The following CCDC13 variants were observed in gnomAD, a reference collection of about 807,000 sequenced individuals.
CCDC13 encodes coiled-coil domain-containing protein 13.
In CCDC13, 70 loss-of-function variants were observed where a neutral mutation model predicts 87.3. The ratio of observed to expected loss-of-function variants is 0.80; its 90% CI spans 0.66 to 0.98. CCDC13 has a LOEUF of 0.98. Ranked by LOEUF, CCDC13 falls within the 50% of genes least tolerant of loss-of-function variation. The pLI is 0.00. For missense variants in CCDC13, 842 were observed against 892.0 expected (o/e 0.94, Z 0.71); for synonymous variants, 317 against 360.3 (o/e 0.88, Z 1.36).
intron 13 of CCDC13, chr3:42,714,122 C>T (rs1698376948): frequency 6.6e-6 from 1 of 152,334 alleles, no homozygotes; most frequent in South Asian, 2.1e-4. Context: ...CACTTTGAAT[C>T]TCACTACCCT....
chr3:42,767,258 G>A (rs1699949975), intron 1 of CCDC13, among the ~76,000 whole-genome samples: 1 of 152,046 alleles, frequency 6.6e-6, no homozygotes. Context: ...GAAGTCAAAT[G>A]TTTTCCCACA....
chr3:42,772,519 T>G (rs1333500572), intron 1 of CCDC13, among the ~76,000 whole-genome samples: 1 of 152,136 alleles, frequency 6.6e-6, no homozygotes, highest in African/African-American at 2.4e-5. Context: ...TCTTCCCCTC[T>G]CCTTCTCTTT....
At chr3:42,725,807 C>T (rs1698672742) in intron 13 of CCDC13, among the ~76,000 whole-genome samples, 1 of 152,020 alleles carries the variant, frequency 6.6e-6, no homozygotes, top group South Asian at 2.1e-4. Flanking sequence ...CACCTAAGAA[C>T]TCCTACAAGG....
intron 3 of CCDC13, among the ~76,000 whole-genome samples, chr3:42,755,562 G>T (rs751482346): frequency 6.6e-6 from 1 of 152,212 alleles, no homozygotes; most frequent in Admixed American, 6.5e-5. Flanking sequence ...AGCCAAGATC[G>T]TGCCACTGCA....
intron 13 of CCDC13, among the ~76,000 whole-genome samples, chr3:42,717,787 A>G (rs1170206528): frequency 6.6e-6 from 1 of 152,002 alleles, no homozygotes; most frequent in Non-Finnish European, 1.5e-5. Context: ...CATCTGATGC[A>G]TGGGATCCTT....
At chr3:42,752,222 T>G (rs541238854) in intron 4 of CCDC13, among the ~76,000 whole-genome samples, 197 bp from the exon 5 acceptor site, 1 of 152,286 alleles carries the variant, frequency 6.6e-6, no homozygotes, top group South Asian at 2.1e-4. Flanking sequence ...TCTGACCCAT[T>G]CCCTAATCGT....
intron 1 of CCDC13, among the ~76,000 whole-genome samples, chr3:42,762,995 A>C (rs1400222175): frequency 6.6e-6 from 1 of 152,244 alleles, no homozygotes; most frequent in Non-Finnish European, 1.5e-5. Context: ...AACAGAATTC[A>C]ACTGAGCAAA....
chr3:42,735,965 G>A (rs753075174), intron 9 of CCDC13, 52 bp from the exon 10 acceptor site: 42 of 1,545,714 alleles, frequency 2.7e-5, no homozygotes, highest in Non-Finnish European at 3.5e-5. Context: ...CCTTTGGGCC[G>A]GGGAGGACAA....
intron 1 of CCDC13, among the ~76,000 whole-genome samples, chr3:42,767,169 TAA>T (rs35489139): frequency 6.8e-6 from 1 of 146,760 alleles, no homozygotes. Flanking sequence ...AAGAATCTAT[TAA>T]AAAAAAAAAG....
Position 42,707,601 on chromosome 3 carries a change from G to A in CCDC13, c.*1379C>T, listed in dbSNP as rs1382675207. 6.6e-6 allele frequency among the ~76,000 whole-genome samples: 1 copy of A among 152,220 alleles called. No individual in the cohort carries two copies. Among genetic ancestry groups the A allele is most frequent in the Non-Finnish European group, 1.5e-5 (1 of 68,046 alleles). On this transcript the variant is annotated 3_prime_UTR_variant, in exon 16 of 16. Transcript: ENST00000310232. ...GCCCCAGTGGCTTTTCCTGGGGAAGGGGGTGTTTTCACAGTATGTGCACCT... is the reference window on the plus strand; with the variant it reads ...GCCCCAGTGGCTTTTCCTGGGGAAGAGGGTGTTTTCACAGTATGTGCACCT...
At chr3:42,740,486 G>A (rs1699180398) in intron 8 of CCDC13, among the ~76,000 whole-genome samples, 1 of 152,186 alleles carries the variant, frequency 6.6e-6, no homozygotes, top group African/African-American at 2.4e-5. Flanking sequence ...TGTTATAGAT[G>A]CTGGGGGACA....
At chr3:42,739,906 G>T in intron 8 of CCDC13, 96 bp from the exon 9 acceptor site, 2 of 1,152,718 alleles carry the variant, frequency 1.7e-6, no homozygotes, top group Admixed American at 2.1e-5. Flanking sequence ...GCCCGGGGCT[G>T]GGGGTGGGGG....
chr3:42,760,755 A>AAAAT (rs201873325), intron 1 of CCDC13, among the ~76,000 whole-genome samples: 32,618 of 150,968 alleles, frequency 0.22, 4,616 homozygotes, highest in East Asian at 0.51. Context: ...ACTCTGTCTC[A>AAAAT]AAATAAATAA....
chr3:42,713,153 G>T lies in CCDC13; in HGVS notation c.1873+9C>A, dbSNP rs759600414. Reference sequence around the variant, plus strand: ...CCCCCTGCACTGAGACTACTGCCCTGGCCCCTACCTGTTTTGGTCCTGGGA... The same window carrying T: ...CCCCCTGCACTGAGACTACTGCCCTTGCCCCTACCTGTTTTGGTCCTGGGA... On this transcript the variant is annotated intron_variant, in intron 14 of 15. Transcript: ENST00000310232. 7 of 1,613,128 alleles carry T rather than the reference G, an allele frequency of 4.3e-6. No homozygotes were observed. In the Admixed American group the frequency reaches 1.2e-4, roughly 27 times the overall value.
At position 42,739,824 on chromosome 3, in the gene CCDC13, G is replaced by A. The variant is rs11709500; in HGVS notation, c.988-14C>T. 424,438 of 1,607,698 alleles carry A rather than the reference G, an allele frequency of 0.26. 57,999 individuals are homozygous for A. The highest frequency in any genetic ancestry group is 0.28 in the Non-Finnish European group (324,585 of 1,174,732). On this transcript the variant is annotated splice_polypyrimidine_tract_variant and intron_variant, in intron 8 of 15. Coordinates refer to ENST00000310232, the MANE Select transcript of CCDC13 (RefSeq NM_144719.4). Reference sequence around the variant, plus strand: ...ACTGGCAAGTTTCTGTAATTAGAAAGTGAGGGCATGGGCAGCAGGGCTGTG... The same window carrying A: ...ACTGGCAAGTTTCTGTAATTAGAAAATGAGGGCATGGGCAGCAGGGCTGTG...
At chr3:42,732,356 G>C (rs1698860508) in intron 12 of CCDC13, among the ~76,000 whole-genome samples, 1 of 152,152 alleles carries the variant, frequency 6.6e-6, no homozygotes, top group East Asian at 1.9e-4. Context: ...GTCAGGGTGG[G>C]GAGTGTTGAC....
intron 6 of CCDC13, chr3:42,746,413 C>T: frequency 5.3e-6 from 1 of 188,256 alleles, no homozygotes; most frequent in Non-Finnish European, 1.1e-5. Context: ...CACCACAGGA[C>T]CCTAGCCTTT....
chr3:42,742,824 C>T, intron 8 of CCDC13, 72 bp downstream of exon 8: 2 of 1,574,864 alleles, frequency 1.3e-6, no homozygotes, highest in Non-Finnish European at 1.7e-6. Context: ...ACATGTGCCT[C>T]AGAGCCCTTG....
At chr3:42,730,730 G>C in intron 12 of CCDC13, 141 bp from the exon 13 acceptor site, 2 of 1,121,352 alleles carry the variant, frequency 1.8e-6, no homozygotes, top group Non-Finnish European at 2.5e-6. Flanking sequence ...AGTCCCTCTA[G>C]GTCCTCCCCT....
Sources: allele counts gnomAD v4.1 joint callset (sites outside exome capture counted in the v4.1 genomes callset), GRCh38; gene constraint gnomAD v4.1.1; transcripts MANE v1.5; gene names NCBI Gene and HGNC (gene_info 2026-07-23, HGNC 2026-07-21).